MAGI2: variants seen among roughly 807,000 people sequenced by gnomAD.
MAGI2 encodes membrane-associated guanylate kinase, WW and PDZ domain-containing protein 2.
Under a neutral mutation model 133.3 loss-of-function variants are expected in MAGI2, and 35 were observed. The observed-to-expected ratio is 0.26, with a 90% CI of 0.20 to 0.35. The LOEUF (loss-of-function observed/expected upper bound fraction) is 0.35. Ranked by LOEUF, MAGI2 falls within the 10% of genes least tolerant of loss-of-function variation. The probability of loss-of-function intolerance (pLI) is 1.00; values close to 1 mark genes in which losing one functional copy is unlikely to be tolerated. For synonymous variants in MAGI2, 729 were observed against 710.6 expected, an observed-to-expected ratio of 1.03 and a Z score of -0.41; for missense variants, 1,636 against 1,863.4, an observed-to-expected ratio of 0.88 and a Z score of 2.25.
chr7:78,224,711 T>TTC (rs1265822701), intron 10 of MAGI2, among the ~76,000 whole-genome samples: 2 of 149,068 alleles, frequency 1.3e-5, no homozygotes, highest in Non-Finnish European at 3.0e-5. Flanking sequence ...TTTTTTTTTT[T>TTC]CACCAAATAG....
chr7:78,593,122 C>T (rs946744498), intron 3 of MAGI2, among the ~76,000 whole-genome samples: 51 of 31,742 alleles, frequency 1.6e-3, no homozygotes, highest in African/African-American at 6.4e-3. Flanking sequence ...CACCTGGCCC[C>T]TGATTTTTTT....
At chr7:78,881,332 T>A (rs1367089786) in intron 2 of MAGI2, among the ~76,000 whole-genome samples, 2 of 149,608 alleles carry the variant, frequency 1.3e-5, no homozygotes, top group Non-Finnish European at 1.5e-5. Context: ...ATAAAGCAAG[T>A]CTCAATAAAT....
At chr7:79,230,800 G>T (rs1169685852) in intron 1 of MAGI2, among the ~76,000 whole-genome samples, 1 of 151,414 alleles carries the variant, frequency 6.6e-6, no homozygotes, top group Non-Finnish European at 1.5e-5. Flanking sequence ...AGTTTAATTA[G>T]ATCCCATTTG....
chr7:78,934,182 A>C (rs1369597388), intron 2 of MAGI2, among the ~76,000 whole-genome samples: 1 of 152,096 alleles, frequency 6.6e-6, no homozygotes, highest in African/African-American at 2.4e-5. Flanking sequence ...GCTCACTGCA[A>C]CCTTTGTCTC....
chr7:78,731,995 T>C (rs1172227174), intron 2 of MAGI2, among the ~76,000 whole-genome samples: 2 of 152,122 alleles, frequency 1.3e-5, no homozygotes, highest in African/African-American at 4.8e-5. Flanking sequence ...AGAATAGATA[T>C]TTTGTATTGC....
chr7:79,388,894 T>C (rs1404637119), intron 1 of MAGI2, among the ~76,000 whole-genome samples: 8 of 147,756 alleles, frequency 5.4e-5, no homozygotes, highest in Non-Finnish European at 1.0e-4. Context: ...GAGTAAACAA[T>C]AATTTCAAAA....
intron 6 of MAGI2, among the ~76,000 whole-genome samples, chr7:78,425,368 C>T (rs1397710475): frequency 6.6e-6 from 1 of 152,034 alleles, no homozygotes; most frequent in Non-Finnish European, 1.5e-5. Flanking sequence ...TGTCAATTGC[C>T]CAGTCTTGGG....
intron 1 of MAGI2, among the ~76,000 whole-genome samples, chr7:79,337,606 T>G (rs1050545205): frequency 6.6e-6 from 1 of 152,206 alleles, no homozygotes; most frequent in South Asian, 2.1e-4. Context: ...AGTGATGATT[T>G]TAATCCATAA....
chr7:78,156,603 T>A (rs995356039), intron 16 of MAGI2, among the ~76,000 whole-genome samples: 1 of 152,096 alleles, frequency 6.6e-6, no homozygotes, highest in African/African-American at 2.4e-5. Flanking sequence ...GTTCTTTTCT[T>A]CACACCGAGG....
chr7:78,278,763 G>T (rs1459642574), intron 9 of MAGI2, among the ~76,000 whole-genome samples: 1 of 152,154 alleles, frequency 6.6e-6, no homozygotes. Context: ...CAAAACTGAA[G>T]CATCAGTTCC....
In MAGI2 at chr7:79,448,220, G is replaced by T. The variant is rs372667484; in HGVS notation, c.301+4800C>A. On this transcript the variant is annotated intron_variant, in intron 1 of 21. Transcript: ENST00000354212. ...GATCAGTGGAAGTTATTTTTAAAAA[G>T]TGAAAATATTTTCCATTGTATTTAT... 5.3e-5 allele frequency among the ~76,000 whole-genome samples: 8 copies of T among 151,976 alleles called. No individual in the cohort carries two copies. The East Asian group carries it at 1.5e-3, about 29-fold the overall frequency.
chr7:78,603,378 C>A (rs541897948), intron 3 of MAGI2, among the ~76,000 whole-genome samples: 1 of 152,262 alleles, frequency 6.6e-6, no homozygotes, highest in African/African-American at 2.4e-5. Flanking sequence ...CCTGAGGAAA[C>A]GTTTTCTAGG....
At chr7:78,667,852 C>T (rs766511837) in intron 2 of MAGI2, among the ~76,000 whole-genome samples, 33 of 152,092 alleles carry the variant, frequency 2.2e-4, no homozygotes, top group African/African-American at 3.4e-4. Flanking sequence ...AATAAACATA[C>T]GTGTGCATGT....
chr7:78,300,533 C>T (rs1243416885), intron 9 of MAGI2, among the ~76,000 whole-genome samples: 1 of 152,110 alleles, frequency 6.6e-6, no homozygotes. Context: ...TAACAGCCCA[C>T]GGTGGCAATA....
intron 1 of MAGI2, among the ~76,000 whole-genome samples, chr7:79,402,657 T>C (rs1845547450): frequency 1.3e-5 from 2 of 152,144 alleles, no homozygotes; most frequent in African/African-American, 4.8e-5. Flanking sequence ...TTCCACTATT[T>C]GTTTCATTTA....
At chr7:78,679,772 G>C (rs1815447053) in intron 2 of MAGI2, among the ~76,000 whole-genome samples, 1 of 152,088 alleles carries the variant, frequency 6.6e-6, no homozygotes, top group Admixed American at 6.6e-5. Context: ...TACCAATGAA[G>C]GGAAACTGAT....
At chr7:78,470,426 C>T (rs776345168) in intron 6 of MAGI2, among the ~76,000 whole-genome samples, 4 of 152,044 alleles carry the variant, frequency 2.6e-5, no homozygotes, top group Non-Finnish European at 4.4e-5. Flanking sequence ...TGAAACAATG[C>T]ATTGTTTCTC....
At chr7:78,731,051 A>C (rs945547257) in intron 2 of MAGI2, among the ~76,000 whole-genome samples, 1 of 152,116 alleles carries the variant, frequency 6.6e-6, no homozygotes, top group African/African-American at 2.4e-5. Context: ...TTAAAAAAAA[A>C]AGCTCCTTAC....
chr7:78,797,334 C>T (rs1787699139), intron 2 of MAGI2, among the ~76,000 whole-genome samples: 1 of 152,034 alleles, frequency 6.6e-6, no homozygotes, highest in Admixed American at 6.6e-5. Flanking sequence ...CTATCCTAGA[C>T]AATGATCAAC....
Sources: allele counts gnomAD v4.1 joint callset (sites outside exome capture counted in the v4.1 genomes callset), GRCh38; gene constraint gnomAD v4.1.1; transcripts MANE v1.5; gene names NCBI Gene and HGNC (gene_info 2026-07-23, HGNC 2026-07-21).